NNT: variants seen among roughly 807,000 people sequenced by gnomAD.
NNT encodes NAD(P) transhydrogenase, mitochondrial.
Under a neutral mutation model 104.8 loss-of-function variants are expected in NNT, and 50 were observed. That is an observed-to-expected ratio of 0.48 (90% confidence interval 0.38 to 0.60). NNT has a LOEUF of 0.60. Among genes scored for constraint, NNT ranks in the 20% least tolerant of loss-of-function variants. The pLI is 0.00. For missense variants in NNT, 1,131 were observed against 1,330.7 expected, an observed-to-expected ratio of 0.85 and a Z score of 2.33; for synonymous variants, 461 against 490.4, an observed-to-expected ratio of 0.94 and a Z score of 0.79.
intron 17 of NNT, among the ~76,000 whole-genome samples, chr5:43,671,980 T>G (rs916771412): frequency 6.6e-6 from 1 of 152,194 alleles, no homozygotes; most frequent in Non-Finnish European, 1.5e-5. Flanking sequence ...GCTTTCTTCA[T>G]TTCTTTTTAC....
rs1485984751 is a variant in NNT at position 43,705,765 on chromosome 5, CTGTGTATG to C, written c.*1367_*1374del. ...ATTTTGCTGTGCCTGAGATTAAGAT[CTGTGTATG>C]TGTGTGTGTGTGTGTGTGCGTTTGT... On this transcript the variant is annotated 3_prime_UTR_variant, in exon 22 of 22. Coordinates refer to ENST00000344920, the MANE Select transcript of NNT (RefSeq NM_182977.3). 7.0e-6 allele frequency: 1 copy of C among 143,104 alleles called. No homozygotes were observed. The highest frequency in any genetic ancestry group is 1.5e-5 in the Non-Finnish European group (1 of 66,028). The allele number at this position is 143,104 out of a possible 1,614,324, so 8.9% of individuals were successfully genotyped here.
rs1302715540 is a variant in NNT, at chr5:43,706,961, G to A, written c.*2557G>A. ...CAAGGTGGGGAACACCACACACCAG[G>A]GCCTGTCATGGGGTGGGGGGAGTGG... On this transcript the variant is annotated 3_prime_UTR_variant, in exon 22 of 22. Coordinates refer to ENST00000344920, the MANE Select transcript of NNT (RefSeq NM_182977.3). The A allele has an allele frequency of 1.3e-5, 2 of 152,324 alleles. No homozygotes were observed. The highest frequency in any genetic ancestry group is 4.8e-5 in the African/African-American group (2 of 41,444). 9.4% of individuals were successfully genotyped at this position (152,324 alleles called of 1,614,324 possible).
At chr5:43,703,575 A>G (rs552846383) in intron 21 of NNT, among the ~76,000 whole-genome samples, 14 of 152,306 alleles carry the variant, frequency 9.2e-5, no homozygotes, top group Admixed American at 5.9e-4. Flanking sequence ...AATAGATTAC[A>G]TGTCCTAGTA....
chr5:43,610,064 A>G (rs538349805), intron 2 of NNT, among the ~76,000 whole-genome samples: 1 of 152,278 alleles, frequency 6.6e-6, no homozygotes, highest in East Asian at 1.9e-4. Flanking sequence ...CCTAGCTCTT[A>G]CAGAGGAAGA....
intron 17 of NNT, among the ~76,000 whole-genome samples, chr5:43,662,216 C>T (rs1740407765): frequency 6.6e-6 from 1 of 151,908 alleles, no homozygotes; most frequent in African/African-American, 2.4e-5. Context: ...CTCTCTTTTT[C>T]CTTCTTCACT....
intron 17 of NNT, among the ~76,000 whole-genome samples, chr5:43,670,690 C>T (rs1024549693): frequency 3.9e-5 from 6 of 152,114 alleles, no homozygotes; most frequent in Non-Finnish European, 5.9e-5. Context: ...CTGAGGAGTG[C>T]TTTACTTGCA....
intron 7 of NNT, among the ~76,000 whole-genome samples, chr5:43,632,032 G>A (rs1000802179): frequency 6.6e-6 from 1 of 151,464 alleles, no homozygotes; most frequent in African/African-American, 2.4e-5. Flanking sequence ...ATGGAAGAAG[G>A]TGATTTTTCT....
intron 19 of NNT, 77 bp from the exon 20 acceptor site, chr5:43,700,042 A>T: frequency 9.1e-7 from 1 of 1,101,800 alleles, no homozygotes; most frequent in South Asian, 1.5e-5. Context: ...AAGTGTGCAG[A>T]TTTGGAGGTG....
At chr5:43,699,590 G>C (rs543638170) in intron 19 of NNT, among the ~76,000 whole-genome samples, 1 of 152,192 alleles carries the variant, frequency 6.6e-6, no homozygotes, top group South Asian at 2.1e-4. Context: ...CTGACCTCAA[G>C]TGATCTGCCC....
chr5:43,621,539 T>TTTA (rs34809699), intron 5 of NNT, among the ~76,000 whole-genome samples: 5,081 of 151,870 alleles, frequency 0.033, 123 homozygotes, highest in East Asian at 0.12. Flanking sequence ...CTGAGATAAT[T>TTTA]TTATTATTAT....
chr5:43,656,119 G>T (rs943895514), intron 15 of NNT, 46 bp downstream of exon 15: 2 of 1,474,616 alleles, frequency 1.4e-6, no homozygotes, highest in African/African-American at 1.4e-5. Flanking sequence ...ACTGTTTAGG[G>T]CATTTAGGGA....
chr5:43,667,827 C>T (rs1199830252), intron 17 of NNT, among the ~76,000 whole-genome samples: 2 of 152,180 alleles, frequency 1.3e-5, no homozygotes, highest in Non-Finnish European at 2.9e-5. Flanking sequence ...AGTTCTAGAT[C>T]CTTGAGGAAT....
At chr5:43,635,186 C>A (rs1050981359) in intron 7 of NNT, among the ~76,000 whole-genome samples, 12 of 152,166 alleles carry the variant, frequency 7.9e-5, no homozygotes, top group African/African-American at 2.9e-4. Flanking sequence ...ATTAATCCAA[C>A]AATGCATAAT....
At chr5:43,655,409 C>A (rs1370192623) in intron 14 of NNT, among the ~76,000 whole-genome samples, 4 of 152,184 alleles carry the variant, frequency 2.6e-5, no homozygotes, top group African/African-American at 9.6e-5. Context: ...TGAGTGCTGA[C>A]ATGACATCAC....
At chr5:43,624,256 C>T (rs1386112230) in intron 6 of NNT, 136 bp downstream of exon 6, 1 of 768,110 alleles carries the variant, frequency 1.3e-6, no homozygotes, top group African/African-American at 1.7e-5. Context: ...AAAAATGTTT[C>T]CACTTTTTAA....
At chr5:43,672,966 C>T (rs1741205970) in intron 17 of NNT, among the ~76,000 whole-genome samples, 4 of 152,362 alleles carry the variant, frequency 2.6e-5, no homozygotes, top group Admixed American at 2.0e-4. Context: ...TATTTACCTA[C>T]TCAAGGCTCA....
chr5:43,701,485 T>A (rs2112254525), intron 20 of NNT, among the ~76,000 whole-genome samples: 1 of 152,314 alleles, frequency 6.6e-6, no homozygotes, highest in East Asian at 1.9e-4. Context: ...AGTGCACCAT[T>A]GATGGACATC....
chr5:43,682,208 CTTTTTTTTTTT>C lies in NNT; in HGVS notation c.2876+4414_2876+4424del, dbSNP rs71610326. ...GTCCATCTAACTGTCTAACTGGATT[CTTTTTTTTTTT>C]TTTTTTTTTTTGTTGGAATCTTGCT... On this transcript the variant is annotated intron_variant, in intron 19 of 21. Coordinates refer to ENST00000344920, the MANE Select transcript of NNT (RefSeq NM_182977.3). 4.3e-4 allele frequency among the ~76,000 whole-genome samples: 43 copies of C among 100,250 alleles called. 1 individual carries two copies. The East Asian group carries it at 0.012, about 27-fold the overall frequency. The allele number at this position is 100,250 out of a possible 152,430, so 65.8% of individuals were successfully genotyped here.
chr5:43,605,817 C>T (rs1749193758), intron 1 of NNT, among the ~76,000 whole-genome samples: 2 of 152,220 alleles, frequency 1.3e-5, no homozygotes, highest in South Asian at 2.1e-4. Flanking sequence ...GATCTCTGCC[C>T]TGTATGTTCA....
Sources: allele counts gnomAD v4.1 joint callset (sites outside exome capture counted in the v4.1 genomes callset), GRCh38; gene constraint gnomAD v4.1.1; transcripts MANE v1.5; gene names NCBI Gene and HGNC (gene_info 2026-07-23, HGNC 2026-07-21).